The following MLLT3 variants were observed in gnomAD, a reference collection of about 807,000 sequenced individuals.
MLLT3 encodes the protein protein AF-9.
Under a neutral mutation model 53.2 loss-of-function variants are expected in MLLT3, and 4 were observed. That is an observed-to-expected ratio of 0.08 (90% confidence interval 0.04 to 0.17). MLLT3 has a LOEUF of 0.17. Ranked by LOEUF, MLLT3 falls within the 10% of genes least tolerant of loss-of-function variation. MLLT3 has a pLI of 1.00. For synonymous variants in MLLT3, 283 were observed against 230.6 expected, an observed-to-expected ratio of 1.23 and a Z score of -2.06; for missense variants, 569 against 684.0, an observed-to-expected ratio of 0.83 and a Z score of 1.87.
At chr9:20,567,303 G>GT (rs1195086282) in intron 2 of MLLT3, among the ~76,000 whole-genome samples, 1 of 49,668 alleles carries the variant, frequency 2.0e-5, no homozygotes, top group Non-Finnish European at 3.5e-5. Flanking sequence ...ACTATATTCA[G>GT]TAAAAAAAAA....
intron 2 of MLLT3, among the ~76,000 whole-genome samples, chr9:20,582,782 G>C (rs1338821657): frequency 6.6e-6 from 1 of 152,138 alleles, no homozygotes; most frequent in Non-Finnish European, 1.5e-5. Flanking sequence ...ACACAGGAAA[G>C]ACCGGCCTCC....
intron 4 of MLLT3, among the ~76,000 whole-genome samples, chr9:20,438,772 T>C (rs982858643): frequency 2.6e-5 from 4 of 152,086 alleles, no homozygotes. Flanking sequence ...CATGGACTTC[T>C]GTCTATATTA....
chr9:20,535,201 C>G lies in MLLT3; in HGVS notation c.194-78415G>C, dbSNP rs573504016. Among the ~76,000 whole-genome samples the G allele has an allele frequency of 5.9e-5, 9 of 152,308 alleles. No homozygotes were observed. In the South Asian group the frequency reaches 1.7e-3, roughly 28 times the overall value. ...ATTGTTTCTCATAGGAGTGTGAAAC[C>G]TCCTGTGAACTGCACATGTGAGGGA... On this transcript the variant is annotated intron_variant, in intron 2 of 10. Transcript: ENST00000380338.
chr9:20,614,857 G>T (rs1447219300), intron 2 of MLLT3, among the ~76,000 whole-genome samples: 1 of 152,110 alleles, frequency 6.6e-6, no homozygotes, highest in African/African-American at 2.4e-5. Flanking sequence ...GGCCAAGGTT[G>T]GTCCATGGAA....
chr9:20,348,539 C>T (rs1820933696), intron 10 of MLLT3, among the ~76,000 whole-genome samples: 1 of 152,140 alleles, frequency 6.6e-6, no homozygotes, highest in Admixed American at 6.5e-5. Flanking sequence ...TCATCAGTGG[C>T]ATCTTTTAAG....
At chr9:20,615,377 A>C (rs369920260) in intron 2 of MLLT3, among the ~76,000 whole-genome samples, 13,600 of 141,148 alleles carry the variant, frequency 0.096, 1,024 homozygotes, top group African/African-American at 0.12. Context: ...AAAAAAAAAA[A>C]AAAAAAAAAA....
intron 2 of MLLT3, among the ~76,000 whole-genome samples, chr9:20,502,836 A>C (rs1393845853): frequency 6.6e-6 from 1 of 152,218 alleles, no homozygotes; most frequent in South Asian, 2.1e-4. Flanking sequence ...CTAATAAATA[A>C]ATTCAGTGAA....
intron 5 of MLLT3, among the ~76,000 whole-genome samples, chr9:20,409,560 T>G (rs1002936725): frequency 2.0e-5 from 3 of 152,204 alleles, no homozygotes; most frequent in Non-Finnish European, 4.4e-5. Context: ...TGGAATATCA[T>G]GTACCCCAAA....
At chr9:20,457,803 C>A (rs1221416177) in intron 2 of MLLT3, among the ~76,000 whole-genome samples, 1 of 152,072 alleles carries the variant, frequency 6.6e-6, no homozygotes, top group Non-Finnish European at 1.5e-5. Flanking sequence ...CCCTAAGAAG[C>A]CAAACAGGAT....
chr9:20,620,941 A>G lies in MLLT3; in HGVS notation c.13-107T>C. The G allele has an allele frequency of 8.1e-7, 1 of 1,242,222 alleles. No homozygotes were observed. The highest frequency in any genetic ancestry group is 1.2e-6 in the Non-Finnish European group (1 of 867,894). The allele number at this position is 1,242,222 out of a possible 1,614,324, so 76.9% of individuals were successfully genotyped here. ...TCCTCCTTCTTGAAACGCACATAAA[A>G]GGAAACGGCGGTGCCCTCTGCATCC... On this transcript the variant is annotated intron_variant, in intron 1 of 10. Coordinates refer to ENST00000380338, the MANE Select transcript of MLLT3 (RefSeq NM_004529.4). This position sits in a 1 kb window ranked among gnomAD's most constrained non-coding sequence, Gnocchi z 6.1.
At chr9:20,592,635 A>C (rs1820157409) in intron 2 of MLLT3, among the ~76,000 whole-genome samples, 1 of 152,222 alleles carries the variant, frequency 6.6e-6, no homozygotes, top group Admixed American at 6.5e-5. Flanking sequence ...TAGGGGGCAC[A>C]TAATTTGGCA....
At position 20,562,842 on chromosome 9, in the gene MLLT3, C is replaced by G. The variant is rs75597228; in HGVS notation, c.193+57812G>C. Among the ~76,000 whole-genome samples the G allele has an allele frequency of 2.0e-5, 3 of 152,248 alleles. No homozygotes were observed. The East Asian group carries it at 5.8e-4, about 29-fold the overall frequency. Reference sequence around the variant, plus strand: ...ACTTTGTGTAGTATAACAGGTGATACAGTAGTTAAGACTGGCTTCAAGTCT... The same window carrying G: ...ACTTTGTGTAGTATAACAGGTGATAGAGTAGTTAAGACTGGCTTCAAGTCT... On this transcript the variant is annotated intron_variant, in intron 2 of 10. Coordinates refer to ENST00000380338, the MANE Select transcript of MLLT3 (RefSeq NM_004529.4).
intron 5 of MLLT3, among the ~76,000 whole-genome samples, chr9:20,381,560 A>T (rs571031200): frequency 6.6e-6 from 1 of 151,962 alleles, no homozygotes; most frequent in African/African-American, 2.4e-5. Flanking sequence ...TCTAAATGCC[A>T]TTCAGTCATA....
chr9:20,588,143 G>A (rs1820026304), intron 2 of MLLT3, among the ~76,000 whole-genome samples: 1 of 152,246 alleles, frequency 6.6e-6, no homozygotes, highest in Admixed American at 6.6e-5. Context: ...TCAAAGATGA[G>A]ATAGTTGTAG....
At chr9:20,363,261 T>C (rs992703573) in intron 7 of MLLT3, 110 of 482,210 alleles carry the variant, frequency 2.3e-4, no homozygotes, top group Non-Finnish European at 5.3e-5. Context: ...CTTTTTCCTA[T>C]AAAAATTTTT....
intron 2 of MLLT3, among the ~76,000 whole-genome samples, chr9:20,604,223 C>A (rs1015986456): frequency 6.6e-6 from 1 of 152,080 alleles, no homozygotes; most frequent in East Asian, 1.9e-4. Flanking sequence ...AACATTATGA[C>A]ATCAATTCCA....
At chr9:20,528,697 A>C (rs1308701354) in intron 2 of MLLT3, among the ~76,000 whole-genome samples, 1 of 152,170 alleles carries the variant, frequency 6.6e-6, no homozygotes, top group African/African-American at 2.4e-5. Context: ...CCCTCATTTC[A>C]CTAGGATACT....
At chr9:20,579,921 T>C (rs955530166) in intron 2 of MLLT3, among the ~76,000 whole-genome samples, 15 of 152,162 alleles carry the variant, frequency 9.9e-5, no homozygotes, top group Admixed American at 2.0e-4. Context: ...GACCCTAAAG[T>C]AGACCCCAGG....
intron 4 of MLLT3, among the ~76,000 whole-genome samples, chr9:20,436,586 T>A (rs1823410588): frequency 6.6e-6 from 1 of 152,278 alleles, no homozygotes; most frequent in Non-Finnish European, 1.5e-5. Flanking sequence ...TAATTCTTTG[T>A]CTTCTTTTCA....
Sources: allele counts gnomAD v4.1 joint callset (sites outside exome capture counted in the v4.1 genomes callset), GRCh38; gene constraint gnomAD v4.1.1; non-coding constraint Gnocchi (gnomAD v3.1); transcripts MANE v1.5; gene names NCBI Gene and HGNC (gene_info 2026-07-23, HGNC 2026-07-21).